The following EPG5 variants were observed in gnomAD, a reference collection of about 807,000 sequenced individuals.
EPG5 encodes the protein ectopic P-granules 5 autophagy tethering factor, also known as ectopic P granules protein 5 homolog.
In EPG5, 159 loss-of-function variants were observed where a neutral mutation model predicts 302.7. The observed-to-expected ratio is 0.53, with a 90% CI of 0.46 to 0.60. The LOEUF (loss-of-function observed/expected upper bound fraction) is 0.60, where lower values mean the gene tolerates loss of function less well. Ranked by LOEUF, EPG5 falls within the 20% of genes least tolerant of loss-of-function variation. EPG5 has a pLI of 0.00. For missense variants in EPG5, 2,896 were observed against 3,092.4 expected (o/e 0.94, Z 1.51); for synonymous variants, 1,158 against 1,136.8 (o/e 1.02, Z -0.37).
the EPG5 span, among the ~76,000 whole-genome samples, chr18:45,841,562 G>A: frequency 1.2e-4 from 18 of 152,292 alleles, no homozygotes; most frequent in African/African-American, 3.6e-4. Flanking sequence ...TTGGACAAAG[G>A]TGCAGGGGTG....
Position 45,875,041 on chromosome 18 carries a change from C to A in EPG5, c.6049+1195G>T, listed in dbSNP as rs562902611. Among the ~76,000 whole-genome samples, 37 of 152,256 alleles carry A rather than the reference C, an allele frequency of 2.4e-4. No homozygotes were observed. In the South Asian group the frequency reaches 6.6e-3, roughly 27 times the overall value. On this transcript the variant is annotated intron_variant, in intron 35 of 43. Transcript: ENST00000282041. ...CCCTAGATTGTGAGTCAGGAGAGAT[C>A]AAAAAGTTTACTGTGAGAATTGAGG... is the stretch of plus-strand genomic sequence containing the variant.
At chr18:45,950,334 A>G (rs2050878579) in intron 4 of EPG5, among the ~76,000 whole-genome samples, 2 of 152,122 alleles carry the variant, frequency 1.3e-5, no homozygotes, top group African/African-American at 4.8e-5. Context: ...CTTCTTCTCC[A>G]TTGTGGGAGA....
chr18:45,936,081 A>G (rs1242389428), intron 10 of EPG5, among the ~76,000 whole-genome samples: 1 of 152,176 alleles, frequency 6.6e-6, no homozygotes, highest in African/African-American at 2.4e-5. Context: ...ACCTATAGAG[A>G]CCATGATTTT....
At chr18:45,804,886 T>C in the EPG5 span, among the ~76,000 whole-genome samples, 2 of 152,066 alleles carry the variant, frequency 1.3e-5, no homozygotes, top group Non-Finnish European at 2.9e-5. Context: ...CCTTGCATTG[T>C]AGGATGCATA....
chr18:45,956,005 T>C (rs2051021316), intron 1 of EPG5, among the ~76,000 whole-genome samples: 1 of 152,162 alleles, frequency 6.6e-6, no homozygotes, highest in Non-Finnish European at 1.5e-5. Flanking sequence ...AGTGAGTAAG[T>C]GAAGAGTTTA....
chr18:45,824,937 G>A, the EPG5 span, among the ~76,000 whole-genome samples: 1 of 151,958 alleles, frequency 6.6e-6, no homozygotes, highest in Non-Finnish European at 1.5e-5. Flanking sequence ...GAGAGACTAG[G>A]AAGACCCCCA....
At chr18:45,920,863 T>G (rs947471246) in intron 16 of EPG5, among the ~76,000 whole-genome samples, 10 of 152,188 alleles carry the variant, frequency 6.6e-5, no homozygotes, top group African/African-American at 2.4e-4. Flanking sequence ...TTTCCAAAAG[T>G]CAGCTCTTCC....
In EPG5 at chr18:45,917,745, A is replaced by G. The variant is rs3744998; in HGVS notation, c.3173T>C (p.Val1058Ala). ...LVQSRHLRTV[V>A]HVLDKILPLF... ...AGGCAGAATCTTATCCAGGACATGA[A>G]CCACTGTTCTCAAATGTCTTGACTG... The change falls in exon 17 of 44, where the codon GTT (valine) becomes GCT (alanine). Residue 1058 changes from valine (V) to alanine (A), a missense_variant. Physicochemically the swap from Val to Ala is moderately conservative, Grantham distance 64 (BLOSUM62 0). Coordinates refer to ENST00000282041, the MANE Select transcript of EPG5 (RefSeq NM_020964.3). 855,082 of 1,613,394 alleles carry G rather than the reference A, an allele frequency of 0.53. 231,435 individuals carry two copies. Among genetic ancestry groups the G allele is most frequent in the East Asian group, 0.56 (25,251 of 44,844 alleles).
In EPG5 at chr18:45,943,013, CT is replaced by C. The variant is rs547798556; in HGVS notation, c.1943+147del. 133 of 715,578 alleles carry C rather than the reference CT, an allele frequency of 1.9e-4. No homozygotes were observed. In the African/African-American group the frequency reaches 2.1e-3, roughly 11 times the overall value. 44.3% of individuals were successfully genotyped at this position (715,578 alleles called of 1,614,324 possible). ...CTGGAAGCAATTATGAAATTCCCATCTTATAGATGGTGAAGAAAAAAATCTT... is the reference window on the plus strand; with the variant it reads ...CTGGAAGCAATTATGAAATTCCCATCTATAGATGGTGAAGAAAAAAATCTT... On this transcript the variant is annotated intron_variant, in intron 9 of 43. Coordinates refer to ENST00000282041, the MANE Select transcript of EPG5 (RefSeq NM_020964.3).
Position 45,925,756 on chromosome 18 carries a change from A to G in EPG5, c.2700T>C (p.Asn900=), listed in dbSNP as rs757822003. The stretch of plus-strand genomic sequence containing the variant: ...CACATACCTGTTTAGCAAATCCCCA[A>G]TTCAGTCCTTCAAGAATAACACAGG... ...KLACVILEGL[N]WGFAKQATLH... Residue 900 remains asparagine, a synonymous_variant, in exon 14 of 44, where the codon AAT becomes AAC. Coordinates refer to ENST00000282041, the MANE Select transcript of EPG5 (RefSeq NM_020964.3). 3.9e-6 allele frequency: 6 copies of G among 1,556,966 alleles called. No homozygotes were observed. Among genetic ancestry groups the G allele is most frequent in the Non-Finnish European group, 5.2e-6 (6 of 1,157,628 alleles).
At chr18:45,903,372 G>A (rs985431543) in intron 25 of EPG5, among the ~76,000 whole-genome samples, 3 of 152,124 alleles carry the variant, frequency 2.0e-5, no homozygotes, top group Non-Finnish European at 2.9e-5. Flanking sequence ...GAAGTCCAGA[G>A]AAGTTCTTAT....
rs1254415183 is a variant in EPG5, at chr18:45,916,107, C to T, written c.3484G>A (p.Glu1162Lys). Reference protein sequence around the residue: ...ALISQHLWYREQPILFLMDHL... With the variant: ...ALISQHLWYRKQPILFLMDHL... ...TCCATGAGGAAGAGGATAGGTTGTT[C>T]TCGGTACCAGAGATGCTGGCTTATG... Residue 1162 changes from glutamate to lysine, a missense_variant, in exon 19 of 44, where the codon GAA becomes AAA. Physicochemically the swap from Glu to Lys is moderately conservative, Grantham distance 56. Coordinates refer to ENST00000282041, the MANE Select transcript of EPG5 (RefSeq NM_020964.3). 6.2e-7 allele frequency: 1 copy of T among 1,613,970 alleles called. No individual in the cohort carries two copies. The highest frequency in any genetic ancestry group is 1.1e-5 in the South Asian group (1 of 91,078).
intron 39 of EPG5, among the ~76,000 whole-genome samples, chr18:45,863,488 G>A (rs145566193): frequency 1.3e-5 from 2 of 152,168 alleles, no homozygotes; most frequent in Non-Finnish European, 2.9e-5. Flanking sequence ...AAGGTATAAA[G>A]TTAATCTCTT....
intron 13 of EPG5, among the ~76,000 whole-genome samples, chr18:45,927,318 C>T (rs1201022659): frequency 6.6e-6 from 1 of 152,110 alleles, no homozygotes. Context: ...GGATTACAGG[C>T]GTAAGCCACT....
chr18:45,837,120 G>A, the EPG5 span: 1 of 1,611,086 alleles, frequency 6.2e-7, no homozygotes, highest in Non-Finnish European at 8.5e-7. Flanking sequence ...ACCATCTCGG[G>A]GATCTTGGGA....
chr18:45,925,802 G>T lies in EPG5; in HGVS notation c.2654C>A (p.Thr885Lys). Residue 885 changes from threonine (T) to lysine (K), a missense_variant, in exon 14 of 44, where the codon ACA becomes AAA. Transcript: ENST00000282041. ...ACAGGCCAGTTTATTCTTCACCACT[G>T]TCAGGTTGTAATTCAATAACCAATC... ...IRDWLLNYNL[T>K]VVKNKLACVI... 6.3e-7 allele frequency: 1 copy of T among 1,575,764 alleles called. No individual in the cohort carries two copies. Among genetic ancestry groups the T allele is most frequent in the South Asian group, 1.2e-5 (1 of 83,834 alleles).
rs1379432924 is a variant in EPG5 at position 45,934,727 on chromosome 18, T to C, written c.2257+82A>G. 5 of 1,467,342 alleles carry C rather than the reference T, an allele frequency of 3.4e-6. No homozygotes were observed. The East Asian group carries it at 6.9e-5, about 20-fold the overall frequency. The allele number at this position is 1,467,342 out of a possible 1,614,324, so 90.9% of individuals were successfully genotyped here. On this transcript the variant is annotated intron_variant, in intron 11 of 43. Coordinates refer to ENST00000282041, the MANE Select transcript of EPG5 (RefSeq NM_020964.3). ...AGAGTAAAACATTTTCTCTTAGTCC[T>C]TCTAAAAGTAAAAATTAAGCCCTGA...
chr18:45,911,503 A>G (rs962514474), intron 22 of EPG5, among the ~76,000 whole-genome samples: 1 of 151,918 alleles, frequency 6.6e-6, no homozygotes, highest in Admixed American at 6.6e-5. Flanking sequence ...CATGTTAGCC[A>G]GGATGGTCTT....
chr18:45,869,302 C>A (rs1004293090), intron 36 of EPG5, among the ~76,000 whole-genome samples: 2 of 152,174 alleles, frequency 1.3e-5, no homozygotes, highest in Non-Finnish European at 2.9e-5. Context: ...ACTACTAATT[C>A]TCTTCCTTTT....
Sources: gnomAD v4.1 joint callset for allele counts (sites outside exome capture counted in the v4.1 genomes callset) on GRCh38, gnomAD v4.1.1 for gene constraint, MANE v1.5 for transcripts, NCBI Gene and HGNC (gene_info 2026-07-23, HGNC 2026-07-21) for gene names.